Variants in CDC42 observed in about 807,000 individuals in gnomAD.
CDC42 encodes the protein cell division control protein 42 homolog.
Under a neutral mutation model 20.8 loss-of-function variants are expected in CDC42, and 1 was observed. The ratio of observed to expected loss-of-function variants is 0.05; its 90% CI spans 0.02 to 0.23. The LOEUF (loss-of-function observed/expected upper bound fraction) is 0.23. Ranked by LOEUF, CDC42 falls within the 10% of genes least tolerant of loss-of-function variation. CDC42 has a pLI of 1.00. For missense variants in CDC42, 49 were observed against 227.9 expected (o/e 0.21, Z 5.05); for synonymous variants, 72 against 84.8 (o/e 0.85, Z 0.83).
chr1:22,061,724 AGTGG>A, intron 1 of CDC42, among the ~76,000 whole-genome samples: 1 of 150,320 alleles, frequency 6.7e-6, no homozygotes, highest in African/African-American at 2.4e-5. Context: ...TTGTATTTTT[AGTGG>A]AGATGTTGGC....
intron 3 of CDC42, among the ~76,000 whole-genome samples, chr1:22,082,930 A>G (rs1270494561): frequency 7.4e-6 from 1 of 134,574 alleles, no homozygotes; most frequent in Non-Finnish European, 1.5e-5. Flanking sequence ...CCCAGGCTGG[A>G]GTGCAATGGT....
rs1645760385 is a variant in CDC42 at position 22,096,658 on chromosome 1, T to A, written c.*5141T>A. On this transcript the variant is annotated 3_prime_UTR_variant, in exon 6 of 6. Transcript: ENST00000656825. ...CTTCATCCACTCACTGTATTCTGTGTGCCTGTGCCGCGGTGCAGGTGGTCA... is the reference window on the plus strand; with the variant it reads ...CTTCATCCACTCACTGTATTCTGTGAGCCTGTGCCGCGGTGCAGGTGGTCA... 1.3e-5 allele frequency among the ~76,000 whole-genome samples: 2 copies of A among 152,254 alleles called. No individual in the cohort carries two copies. The highest frequency in any genetic ancestry group is 6.5e-5 in the Admixed American group (1 of 15,288).
intron 1 of CDC42, among the ~76,000 whole-genome samples, chr1:22,062,453 G>A (rs934834127): frequency 1.3e-5 from 2 of 152,134 alleles, no homozygotes; most frequent in African/African-American, 4.8e-5. Flanking sequence ...TGCTGCAAAT[G>A]TCTGCTTGTT....
chr1:22,085,376 A>T (rs1416264598), intron 3 of CDC42, among the ~76,000 whole-genome samples: 1 of 152,130 alleles, frequency 6.6e-6, no homozygotes, highest in Non-Finnish European at 1.5e-5. Context: ...TAAGTTTTGA[A>T]ATCAGGAAAT....
chr1:22,099,453 C>T lies in CDC42; in HGVS notation c.*7936C>T, dbSNP rs1387827444. ...ATCATAATTGCTTGGTATATGCAGC[C>T]AGAGTTGGAAATCCTATCTGTCTGA... On this transcript the variant is annotated 3_prime_UTR_variant, in exon 6 of 6. Coordinates refer to ENST00000656825, the MANE Select transcript of CDC42 (RefSeq NM_001791.4). Among the ~76,000 whole-genome samples the T allele has an allele frequency of 1.3e-5, 2 of 152,194 alleles. No individual in the cohort carries two copies. Among genetic ancestry groups the T allele is most frequent in the Admixed American group, 6.5e-5 (1 of 15,280 alleles).
chr1:22,071,188 C>T lies in CDC42; in HGVS notation c.-50-7241C>T, dbSNP rs1390043526. On this transcript the variant is annotated intron_variant, in intron 1 of 5. Transcript: ENST00000656825. ...CCTCCCGAGTAGCTGGGACTACAGG[C>T]GCCTGCCACCACGCCCGGCTAATTT... Among the ~76,000 whole-genome samples the T allele has an allele frequency of 3.3e-5, 5 of 151,666 alleles. 1 individual carries two copies. The highest frequency in any genetic ancestry group is 2.6e-4 in the Admixed American group (4 of 15,222).
intron 3 of CDC42, among the ~76,000 whole-genome samples, chr1:22,085,162 G>A (rs1645648527): frequency 6.6e-6 from 1 of 150,790 alleles, no homozygotes; most frequent in Admixed American, 6.6e-5. Context: ...AACTGGGGAG[G>A]TGGAGGTTGC....
At chr1:22,086,956 C>A in intron 5 of CDC42, 90 bp downstream of exon 5, 1 of 1,083,356 alleles carries the variant, frequency 9.2e-7, no homozygotes, top group South Asian at 1.3e-5. Context: ...CAGTGATCAG[C>A]AGTGCTCAAA....
rs1645742180 is a variant in CDC42 at position 22,094,345 on chromosome 1, T to C, written c.*2828T>C. Among the ~76,000 whole-genome samples, 1 of 112,866 alleles carries C rather than the reference T, an allele frequency of 8.9e-6. No individual in the cohort carries two copies. Among genetic ancestry groups the C allele is most frequent in the Non-Finnish European group, 1.8e-5 (1 of 57,102 alleles). The allele number at this position is 112,866 out of a possible 152,430, so 74.0% of individuals were successfully genotyped here. On this transcript the variant is annotated 3_prime_UTR_variant, in exon 6 of 6. Coordinates refer to ENST00000656825, the MANE Select transcript of CDC42 (RefSeq NM_001791.4). ...CGGAGTCTCGCTCTGTCGCCCAGGC[T>C]GGAGTGCAGTGGCGCGATCTCGGCT...
At position 22,092,082 on chromosome 1, in the gene CDC42, C is replaced by T. The variant is rs1274668568; in HGVS notation, c.*565C>T. On this transcript the variant is annotated 3_prime_UTR_variant, in exon 6 of 6. Transcript: ENST00000656825. The stretch of plus-strand genomic sequence containing the variant: ...CACTTCCTAGATCTAGTTTAGAAAA[C>T]ATGTTCCCCATCTGGTGCTCTTAGG... The T allele has an allele frequency of 6.6e-6, 1 of 152,312 alleles. No individual in the cohort carries two copies. The highest frequency in any genetic ancestry group is 6.6e-5 in the Admixed American group (1 of 15,222). The allele number at this position is 152,312 out of a possible 1,614,324, so 9.4% of individuals were successfully genotyped here. A position where few individuals can be genotyped will look rare whatever the true frequency, so the allele number is the denominator to read the frequency against.
chr1:22,097,598 C>CAG lies in CDC42; in HGVS notation c.*6081_*6082insAG, dbSNP rs1645766328. On this transcript the variant is annotated 3_prime_UTR_variant, in exon 6 of 6. Transcript: ENST00000656825. ...AGTTGAGTACTGCATTCTTGCGGCT[C>CAG]TACCTAAGTTTCTCCTAGAATCTCC... Among the ~76,000 whole-genome samples the CAG allele has an allele frequency of 6.6e-6, 1 of 152,230 alleles. No homozygotes were observed.
intron 3 of CDC42, among the ~76,000 whole-genome samples, chr1:22,085,754 T>C (rs762812205): frequency 3.9e-5 from 6 of 152,182 alleles, no homozygotes; most frequent in Non-Finnish European, 8.8e-5. Flanking sequence ...TAACTAAATA[T>C]GTGAACCTCT....
intron 1 of CDC42, among the ~76,000 whole-genome samples, chr1:22,078,078 G>A (rs961228122): frequency 2.0e-5 from 3 of 152,208 alleles, no homozygotes; most frequent in African/African-American, 7.2e-5. Context: ...GTGTGTGCAC[G>A]TGTAACTGAA....
chr1:22,054,909 ATATATATATATATTTTTTTTTTTTTT>A (rs1645281293), intron 1 of CDC42, among the ~76,000 whole-genome samples: 5 of 12,752 alleles, frequency 3.9e-4, no homozygotes, highest in Admixed American at 3.1e-3. Flanking sequence ...ATATATATAT[ATATATATATATATTTTTTTTTTTTTT>A]TTTTTTTTTT....
intron 1 of CDC42, among the ~76,000 whole-genome samples, chr1:22,054,152 C>T (rs1477813236): frequency 2.0e-5 from 3 of 152,134 alleles, no homozygotes; most frequent in Non-Finnish European, 4.4e-5. Flanking sequence ...AGACTTCGAT[C>T]TTTAAGCAAA....
chr1:22,058,739 T>TCC (rs1009743802), intron 1 of CDC42, among the ~76,000 whole-genome samples: 2 of 152,182 alleles, frequency 1.3e-5, no homozygotes, highest in African/African-American at 2.4e-5. Context: ...CCTCAGGTGA[T>TCC]CCACCCACCT....
chr1:22,090,486 G>T (rs1444881742), intron 5 of CDC42: 64 of 987,584 alleles, frequency 6.5e-5, no homozygotes, highest in Non-Finnish European at 7.7e-5. Context: ...GTGTAATGGG[G>T]AAGGGAGGAT....
chr1:22,061,253 A>G (rs1332729537), intron 1 of CDC42, among the ~76,000 whole-genome samples: 1 of 151,754 alleles, frequency 6.6e-6, no homozygotes, highest in African/African-American at 2.4e-5. Context: ...CTAAAAATAC[A>G]AAAAATTAGC....
chr1:22,061,532 C>CTTTTTT (rs555957608), intron 1 of CDC42, among the ~76,000 whole-genome samples: 14 of 36,230 alleles, frequency 3.9e-4, no homozygotes, highest in Non-Finnish European at 5.9e-4. Context: ...ATGTTTCTTT[C>CTTTTTT]TTTTTTTTTT....
Sources: gnomAD v4.1 joint callset for allele counts (sites outside exome capture counted in the v4.1 genomes callset) on GRCh38, gnomAD v4.1.1 for gene constraint, MANE v1.5 for transcripts, NCBI Gene and HGNC (gene_info 2026-07-23, HGNC 2026-07-21) for gene names.